Variants in RFLNA observed in about 807,000 individuals in gnomAD.
RFLNA encodes the protein refilin A.
RFLNA carries 5 observed loss-of-function variants against 7.8 expected under a neutral mutation model. The observed-to-expected ratio is 0.64, with a 90% CI of 0.34 to 1.35. The LOEUF (loss-of-function observed/expected upper bound fraction) is 1.35, where lower values mean the gene tolerates loss of function less well. RFLNA is among the 40% of genes most tolerant of loss of function. The pLI is 0.04. For missense variants in RFLNA, 278 were observed against 305.5 expected (o/e 0.91, Z 0.67); for synonymous variants, 141 against 131.3 (o/e 1.07, Z -0.50).
chr12:124,300,141 G>A (rs1372432974), intron 1 of RFLNA, among the ~76,000 whole-genome samples: 1 of 152,220 alleles, frequency 6.6e-6, no homozygotes, highest in Non-Finnish European at 1.5e-5. Context: ...TGGGGCAATG[G>A]CAGGTGGTGA....
chr12:124,301,258 T>G (rs1046922632), intron 1 of RFLNA, among the ~76,000 whole-genome samples: 7 of 152,180 alleles, frequency 4.6e-5, no homozygotes, highest in African/African-American at 1.7e-4. Flanking sequence ...CCAGTGGAAA[T>G]TCAGCAAAGT....
chr12:124,292,754 T>G (rs2033842766), upstream of RFLNA, among the ~76,000 whole-genome samples: 1 of 152,202 alleles, frequency 6.6e-6, no homozygotes, highest in Non-Finnish European at 1.5e-5. Context: ...GCACTCTTGA[T>G]AAGCGGGCTT....
intron 1 of RFLNA, among the ~76,000 whole-genome samples, chr12:124,305,796 C>T (rs2034126876): frequency 6.6e-6 from 1 of 152,206 alleles, no homozygotes; most frequent in African/African-American, 2.4e-5. Context: ...ATTCCCAGGT[C>T]CTGGGGGTTA....
chr12:124,300,731 CATGGATGGATGGATGG>C (rs370958661), intron 1 of RFLNA, among the ~76,000 whole-genome samples: 51 of 115,642 alleles, frequency 4.4e-4, no homozygotes, highest in South Asian at 1.2e-3. Flanking sequence ...TGGATGGATG[CATGGATGGATGGATGG>C]ATGGATGGAT....
intron 1 of RFLNA, among the ~76,000 whole-genome samples, chr12:124,296,071 C>CTTTTCT (rs1555294079): frequency 8.9e-6 from 1 of 112,296 alleles, no homozygotes; most frequent in African/African-American, 4.0e-5. Context: ...ATGTGAAAGC[C>CTTTTCT]TTTTCTTTCT....
intron 1 of RFLNA, among the ~76,000 whole-genome samples, chr12:124,301,960 G>A (rs927351314): frequency 9.9e-5 from 15 of 152,264 alleles, no homozygotes; most frequent in Admixed American, 8.5e-4. Context: ...GACGGCGGGG[G>A]CACGCTCCTC....
chr12:124,310,605 T>C (rs867251881), intron 1 of RFLNA, among the ~76,000 whole-genome samples: 5 of 145,634 alleles, frequency 3.4e-5, no homozygotes, highest in African/African-American at 7.9e-5. Flanking sequence ...TAGGCCACTT[T>C]CTGTGAGGAG....
intron 1 of RFLNA, among the ~76,000 whole-genome samples, chr12:124,299,176 G>T (rs2033983219): frequency 6.6e-6 from 1 of 152,240 alleles, no homozygotes; most frequent in Non-Finnish European, 1.5e-5. Flanking sequence ...CTTGAGTGAG[G>T]AGGGTGCCCG....
intron 1 of RFLNA, among the ~76,000 whole-genome samples, chr12:124,300,841 T>TGGAC (rs2034022762): frequency 6.8e-6 from 1 of 147,330 alleles, no homozygotes; most frequent in Non-Finnish European, 1.5e-5. Context: ...GATGGATGGA[T>TGGAC]GGACAGAAGA....
At chr12:124,301,222 C>T (rs1335849572) in intron 1 of RFLNA, among the ~76,000 whole-genome samples, 1 of 152,214 alleles carries the variant, frequency 6.6e-6, no homozygotes, top group Non-Finnish European at 1.5e-5. Flanking sequence ...CCAGCCGCGT[C>T]TGCTCGATCC....
At chr12:124,294,990 G>T (rs1262210635), upstream of RFLNA, among the ~76,000 whole-genome samples, 7 of 152,110 alleles carry the variant, frequency 4.6e-5, no homozygotes, top group African/African-American at 7.2e-5. Flanking sequence ...GGGCCTCGGC[G>T]GAGGCGCCGG....
Position 124,315,909 on chromosome 12 carries a change from A to T in RFLNA, c.*1384A>T, listed in dbSNP as rs1017861408. ...ACATCCAGGAGGGGCAAAATGACTGATGTATTTTTATGTATCTACACAGAG... is the reference window on the plus strand; with the variant it reads ...ACATCCAGGAGGGGCAAAATGACTGTTGTATTTTTATGTATCTACACAGAG... On this transcript the variant is annotated 3_prime_UTR_variant, in exon 3 of 3. Transcript: ENST00000546355. 1 of 151,654 alleles carries T rather than the reference A, an allele frequency of 6.6e-6. No individual in the cohort carries two copies. The highest frequency in any genetic ancestry group is 1.5e-5 in the Non-Finnish European group (1 of 67,856). The allele number at this position is 151,654 out of a possible 1,614,324, so 9.4% of individuals were successfully genotyped here. A position where few individuals can be genotyped will look rare whatever the true frequency, so the allele number is the denominator to read the frequency against.
chr12:124,308,983 C>T (rs1191932919), intron 1 of RFLNA, among the ~76,000 whole-genome samples: 1 of 152,252 alleles, frequency 6.6e-6, no homozygotes, highest in East Asian at 1.9e-4. Flanking sequence ...CGTTTTTCAA[C>T]CTACTGAATC....
At chr12:124,305,242 C>T (rs7139235) in intron 1 of RFLNA, among the ~76,000 whole-genome samples, 116,569 of 152,184 alleles carry the variant, frequency 0.77, 46,861 homozygotes, top group Non-Finnish European at 0.9. Context: ...GGAGGATCCC[C>T]CTTGCGGGCC....
rs1033711772 is a variant in RFLNA at position 124,295,468 on chromosome 12, C to G, written c.39C>G (p.Ser13Arg). The G allele has an allele frequency of 7.9e-6, 10 of 1,260,524 alleles. No individual in the cohort carries two copies. The highest frequency in any genetic ancestry group is 1.0e-5 in the Non-Finnish European group (10 of 1,005,016). 78.1% of individuals were successfully genotyped at this position (1,260,524 alleles called of 1,614,324 possible). A position where few individuals can be genotyped will look rare whatever the true frequency, so the allele number is the denominator to read the frequency against. Residue 13 changes from serine to arginine, a missense_variant, in exon 1 of 3, where the codon AGC becomes AGG. Ser to Arg is a moderately radical substitution (Grantham distance 110). Coordinates refer to ENST00000546355, the MANE Select transcript of RFLNA (RefSeq NM_001365156.1). ...TGCATCTGCAGGGCATGGAGGACAG[C>G]CTGAAGGAGCAGGGCCGGGAGGGCT... is the stretch of plus-strand genomic sequence containing the variant. ...GHLHLQGMED[S>R]LKEQGREGLL...
chr12:124,311,577 G>A, intron 1 of RFLNA: 1 of 405,822 alleles, frequency 2.5e-6, no homozygotes, highest in Non-Finnish European at 4.3e-6. Flanking sequence ...AGAACTGGGA[G>A]CTGGAGGACA....
chr12:124,314,450 C>T lies in RFLNA; in HGVS notation c.576C>T (p.Arg192=). The change falls in exon 3 of 3, where the codon CGC becomes CGT. Residue 192 remains arginine, a synonymous_variant. Transcript: ENST00000546355. ...ACTGCAGCCTGGGCCGGCCCAGCCG[C>T]TGGTTCACCGCCAGCGTGCAGCTGC... ...TLHCSLGRPS[R]WFTASVQLQL... is the part of the protein sequence containing the mutation. The T allele has an allele frequency of 6.2e-7, 1 of 1,601,528 alleles. No individual in the cohort carries two copies. The highest frequency in any genetic ancestry group is 8.5e-7 in the Non-Finnish European group (1 of 1,179,630).
At chr12:124,297,887 A>C (rs989655585) in intron 1 of RFLNA, among the ~76,000 whole-genome samples, 2 of 149,188 alleles carry the variant, frequency 1.3e-5, no homozygotes, top group African/African-American at 4.9e-5. Context: ...AACTTTGCTG[A>C]GCGGTGTTTA....
intron 1 of RFLNA, among the ~76,000 whole-genome samples, chr12:124,309,205 C>A (rs926180516): frequency 6.6e-6 from 1 of 151,884 alleles, no homozygotes; most frequent in Non-Finnish European, 1.5e-5. Flanking sequence ...GACTCTGCTT[C>A]CCCCCCACCG....
Sources: gnomAD v4.1 joint callset for allele counts (sites outside exome capture counted in the v4.1 genomes callset) on GRCh38, gnomAD v4.1.1 for gene constraint, MANE v1.5 for transcripts, NCBI Gene and HGNC (gene_info 2026-07-23, HGNC 2026-07-21) for gene names.